The following PIEZO2 variants were observed in gnomAD, a reference collection of about 807,000 sequenced individuals.
The protein encoded by PIEZO2 is piezo-type mechanosensitive ion channel component 2.
Under a neutral mutation model 337.3 loss-of-function variants are expected in PIEZO2, and 172 were observed. The observed-to-expected ratio is 0.51, with a 90% CI of 0.45 to 0.58. PIEZO2 has a LOEUF of 0.58. Among genes scored for constraint, PIEZO2 ranks in the 20% least tolerant of loss-of-function variants. The pLI is 0.00. For missense variants in PIEZO2, 3,028 were observed against 3,391.3 expected (o/e 0.89, Z 2.66); for synonymous variants, 1,251 against 1,228.5 (o/e 1.02, Z -0.38).
At chr18:11,114,664 TAAACA>T (rs1327943231) in intron 1 of PIEZO2, among the ~76,000 whole-genome samples, 1 of 135,760 alleles carries the variant, frequency 7.4e-6, no homozygotes, top group Non-Finnish European at 1.7e-5. Context: ...GACTCTGTCT[TAAACA>T]AAAAAAAAAA....
intron 34 of PIEZO2, among the ~76,000 whole-genome samples, 47 bp from the exon 35 acceptor site, chr18:10,735,377 A>T (rs1034109072): frequency 2.0e-4 from 31 of 152,176 alleles, no homozygotes; most frequent in African/African-American, 7.2e-4. Flanking sequence ...AAAACCAAAA[A>T]CTAGTAATTT....
intron 2 of PIEZO2, among the ~76,000 whole-genome samples, chr18:11,045,151 G>T (rs1174867265): frequency 6.6e-6 from 1 of 151,676 alleles, no homozygotes; most frequent in East Asian, 1.9e-4. Flanking sequence ...AAACAAATTA[G>T]CCGGGCATGG....
In PIEZO2 at chr18:11,149,487, G is replaced by T. The variant is rs572485281; in HGVS notation, c.-899C>A. Among the ~76,000 whole-genome samples, 1 of 152,088 alleles carries T rather than the reference G, an allele frequency of 6.6e-6. No homozygotes were observed. The highest frequency in any genetic ancestry group is 2.1e-4 in the South Asian group (1 of 4,822). On this transcript the variant is annotated 5_prime_UTR_variant, in exon 1 of 56. Coordinates refer to ENST00000674853, the MANE Select transcript of PIEZO2 (RefSeq NM_001378183.1). The surrounding 1 kb of genome is among the most constrained non-coding windows in gnomAD (Gnocchi z 8.7). Reference sequence around the variant, plus strand: ...AACCAGCGCCGTCCCGTCGCCCAGCGCGACCACCGCCTGCCGCCTTGCAGC... The same window carrying T: ...AACCAGCGCCGTCCCGTCGCCCAGCTCGACCACCGCCTGCCGCCTTGCAGC...
intron 2 of PIEZO2, among the ~76,000 whole-genome samples, chr18:11,062,532 G>A (rs1436789405): frequency 2.0e-5 from 3 of 152,068 alleles, no homozygotes; most frequent in Admixed American, 1.3e-4. Flanking sequence ...CTAATATCCA[G>A]AATCTACAAT....
chr18:10,776,845 T>TG (rs1466400867), intron 18 of PIEZO2, among the ~76,000 whole-genome samples: 1 of 152,184 alleles, frequency 6.6e-6, no homozygotes, highest in Non-Finnish European at 1.5e-5. Context: ...AAATGGATCT[T>TG]GATTTTCCAA....
chr18:10,702,237 G>A (rs2035372997), intron 42 of PIEZO2, 66 bp from the exon 43 acceptor site: 1 of 1,411,514 alleles, frequency 7.1e-7, no homozygotes, highest in Admixed American at 2.7e-5. Flanking sequence ...CTGTATATGG[G>A]AAAGAGCAAT....
At chr18:10,864,370 GGAAGATA>G (rs754406018) in intron 5 of PIEZO2, among the ~76,000 whole-genome samples, 6 of 151,650 alleles carry the variant, frequency 4.0e-5, no homozygotes, top group African/African-American at 4.9e-5. Context: ...AGTCACTCAG[GGAAGATA>G]TAACTACTTA....
intron 1 of PIEZO2, among the ~76,000 whole-genome samples, chr18:11,067,282 C>T (rs975237506): frequency 6.6e-6 from 1 of 152,034 alleles, no homozygotes; most frequent in Admixed American, 6.5e-5. Context: ...CTTGTACACC[C>T]TAAATATATA....
chr18:10,845,740 C>G (rs954257923), intron 7 of PIEZO2, among the ~76,000 whole-genome samples: 16 of 152,140 alleles, frequency 1.1e-4, no homozygotes, highest in African/African-American at 3.9e-4. Flanking sequence ...GAAGGACATA[C>G]TGAATAGAAA....
chr18:10,759,503 G>A lies in PIEZO2; in HGVS notation c.3736C>T (p.Pro1246Ser), dbSNP rs773550168. 1 of 1,536,890 alleles carries A rather than the reference G, an allele frequency of 6.5e-7. No individual in the cohort carries two copies. The highest frequency in any genetic ancestry group is 1.4e-5 in the African/African-American group (1 of 72,998). The part of the protein sequence containing the change: ...WLYFPDFIVR[P>S]NPVFLVYDFM... Reference sequence around the variant, plus strand: ...TTACAGACGAGAAACACAGGGTTGGGCCGCACAATGAAATCTGGGAAGTAC... The same window carrying A: ...TTACAGACGAGAAACACAGGGTTGGACCGCACAATGAAATCTGGGAAGTAC... Residue 1246 changes from proline to serine, a missense_variant, in exon 26 of 56, where the codon CCC becomes TCC. Physicochemically the swap from Pro to Ser is moderately conservative, Grantham distance 74. Transcript: ENST00000674853. The surrounding 1 kb of genome is among the most constrained non-coding windows in gnomAD (Gnocchi z 5.5).
Position 10,714,809 on chromosome 18 carries a change from G to A in PIEZO2, c.5378C>T (p.Thr1793Ile). 1.3e-6 allele frequency: 2 copies of A among 1,537,228 alleles called. No homozygotes were observed. The highest frequency in any genetic ancestry group is 1.7e-6 in the Non-Finnish European group (2 of 1,146,898). Residue 1793 changes from threonine to isoleucine, a missense_variant, in exon 39 of 56, where the codon ACA becomes ATA. Thr to Ile is a moderately conservative substitution (Grantham distance 89, BLOSUM62 -1). Transcript: ENST00000674853. Reference sequence around the variant, plus strand: ...ATCTAAACTATCCATCCTGTGGGCTGTCTGTGCACCTGAAGCAGCTCCGGG... The same window carrying A: ...ATCTAAACTATCCATCCTGTGGGCTATCTGTGCACCTGAAGCAGCTCCGGG... ...EHPGAASGAQ[T>I]AHRMDSLDSH...
At chr18:10,776,334 T>C (rs72636733) in intron 18 of PIEZO2, among the ~76,000 whole-genome samples, 2,422 of 152,286 alleles carry the variant, frequency 0.016, 154 homozygotes, top group Admixed American at 0.098. Context: ...GTTAACACAG[T>C]GGTTAATTAC....
rs140620416 is a variant in PIEZO2 at position 10,903,294 on chromosome 18, C to T, written c.329+7892G>A. On this transcript the variant is annotated intron_variant, in intron 4 of 55. Transcript: ENST00000674853. This position sits in a 1 kb window ranked among gnomAD's most constrained non-coding sequence, Gnocchi z 4.1. ...CTGGCTCATCTGGTCTATATTGCTG[C>T]TCGAGTGACATTTCTAGAAGCACAT... Among the ~76,000 whole-genome samples the T allele has an allele frequency of 2.8e-3, 428 of 152,244 alleles. 2 individuals carry two copies. Among genetic ancestry groups the T allele is most frequent in the African/African-American group, 9.7e-3 (402 of 41,542 alleles).
chr18:10,822,387 T>C (rs1024132720), intron 7 of PIEZO2, among the ~76,000 whole-genome samples: 5 of 152,234 alleles, frequency 3.3e-5, no homozygotes, highest in African/African-American at 1.2e-4. Context: ...AAATTACCAT[T>C]ATAATCAATG....
chr18:10,966,462 A>G (rs1167867008), intron 3 of PIEZO2, among the ~76,000 whole-genome samples: 1 of 152,186 alleles, frequency 6.6e-6, no homozygotes, highest in Non-Finnish European at 1.5e-5. Flanking sequence ...TTCATAACAC[A>G]AATCTTTACA....
intron 1 of PIEZO2, among the ~76,000 whole-genome samples, chr18:11,068,186 C>T (rs12969415): frequency 0.012 from 1,812 of 152,304 alleles, 21 homozygotes; most frequent in Non-Finnish European, 0.018. Context: ...ACCCAAAGTG[C>T]TGGGATTACA....
At chr18:11,007,155 C>T (rs2035752935) in intron 2 of PIEZO2, among the ~76,000 whole-genome samples, 1 of 152,056 alleles carries the variant, frequency 6.6e-6, no homozygotes, top group African/African-American at 2.4e-5. Flanking sequence ...TGTACCAGGG[C>T]TTCTATCATT....
rs1211121438 is a variant in PIEZO2 at position 10,697,958 on chromosome 18, A to T, written c.6695-78T>A. On this transcript the variant is annotated intron_variant, in intron 44 of 55. Transcript: ENST00000674853. The stretch of plus-strand genomic sequence containing the variant: ...CCTAAATATCCAAGAAGCAGAACCC[A>T]GAGCCCACATGGTGGAGGGATAGCT... 2.0e-6 allele frequency: 3 copies of T among 1,508,902 alleles called. No homozygotes were observed. The East Asian group carries it at 7.3e-5, about 37-fold the overall frequency. 93.5% of individuals were successfully genotyped at this position (1,508,902 alleles called of 1,614,324 possible).
Position 10,800,353 on chromosome 18 carries a change from G to T in PIEZO2, c.1362C>A (p.Pro454=). 6.5e-7 allele frequency: 1 copy of T among 1,535,360 alleles called. No homozygotes were observed. The highest frequency in any genetic ancestry group is 8.7e-7 in the Non-Finnish European group (1 of 1,146,068). Residue 454 remains proline, a synonymous_variant, in exon 11 of 56, where the codon CCC becomes CCA. Transcript: ENST00000674853. ...GGCTCCTACCTGAGGATTCATCAGA[G>T]GGCTCCCACCGGTACTGAGGGGTGG... ...LYSTPQYRWE[P]SDESSEKREE...
Sources: allele counts gnomAD v4.1 joint callset (sites outside exome capture counted in the v4.1 genomes callset), GRCh38; gene constraint gnomAD v4.1.1; non-coding constraint Gnocchi (gnomAD v3.1); transcripts MANE v1.5; gene names NCBI Gene and HGNC (gene_info 2026-07-23, HGNC 2026-07-21).